The following PTPN13 variants were observed in gnomAD, a reference collection of about 807,000 sequenced individuals.
The protein encoded by PTPN13 is tyrosine-protein phosphatase non-receptor type 13.
In PTPN13, 191 loss-of-function variants were observed where a neutral mutation model predicts 284.0. The observed-to-expected ratio is 0.67, with a 90% CI of 0.60 to 0.76. PTPN13 has a LOEUF of 0.76. Among genes scored for constraint, PTPN13 ranks in the 30% least tolerant of loss-of-function variants. The probability of loss-of-function intolerance (pLI) is 0.00; values close to 1 mark genes in which losing one functional copy is unlikely to be tolerated. For synonymous variants in PTPN13, 986 were observed against 1,022.3 expected (o/e 0.96, Z 0.68); for missense variants, 2,797 against 2,939.9 (o/e 0.95, Z 1.12).
Position 86,774,722 on chromosome 4 carries a change from T to TA in PTPN13, c.5508+191_5508+192insA, listed in dbSNP as rs58688674. 2.7e-4 allele frequency among the ~76,000 whole-genome samples: 41 copies of TA among 149,616 alleles called. No individual in the cohort carries two copies. In the East Asian group the frequency reaches 6.1e-3, roughly 22 times the overall value. ...TATTTTATATATATATATATATATA[T>TA]TTTTTACTATACTTTAAGTTCTAGG... On this transcript the variant is annotated intron_variant, in intron 33 of 47. Coordinates refer to ENST00000411767, the MANE Select transcript of PTPN13 (RefSeq NM_080683.3).
Position 86,701,482 on chromosome 4 carries a change from G to A in PTPN13, c.876G>A (p.Val292=), listed in dbSNP as rs757988747. The A allele has an allele frequency of 6.2e-7, 1 of 1,613,928 alleles. No individual in the cohort carries two copies. Among genetic ancestry groups the A allele is most frequent in the Non-Finnish European group, 8.5e-7 (1 of 1,179,862 alleles). The change falls in exon 7 of 48, where the codon GTG becomes GTA. Residue 292 remains valine, a synonymous_variant. Coordinates refer to ENST00000411767, the MANE Select transcript of PTPN13 (RefSeq NM_080683.3). ...PEKKPIPGID[V]LSKKKIWASS... Reference sequence around the variant, plus strand: ...AAAAACCCATCCCTGGCATTGATGTGCTTTCTAAGAAGAAGATCTGGGCTT... The same window carrying A: ...AAAAACCCATCCCTGGCATTGATGTACTTTCTAAGAAGAAGATCTGGGCTT...
In PTPN13 at chr4:86,689,180, A is replaced by G. The variant is rs754024540; in HGVS notation, c.536A>G (p.Asn179Ser). 1 of 1,612,180 alleles carries G rather than the reference A, an allele frequency of 6.2e-7. No individual in the cohort carries two copies. The highest frequency in any genetic ancestry group is 1.1e-5 in the South Asian group (1 of 90,990). ...VKHLVKLVLG[N>S]LSGTDQLSCN... ...CACTTGGTAAAACTGGTTCTGGGAA[A>G]TCTTTCTGGGGTAAGCTACAGTTAC... Residue 179 changes from asparagine (N) to serine (S), a missense_variant, in exon 5 of 48, where the codon AAT (asparagine) becomes AGT (serine). Physicochemically the swap from Asn to Ser is conservative, Grantham distance 46 (BLOSUM62 1). Transcript: ENST00000411767.
chr4:86,720,991 T>A (rs1733591685), intron 9 of PTPN13, among the ~76,000 whole-genome samples: 1 of 152,052 alleles, frequency 6.6e-6, no homozygotes, highest in Non-Finnish European at 1.5e-5. Flanking sequence ...TTGAAGTAAG[T>A]TTATACGTAG....
chr4:86,637,188 T>C (rs1227720432), intron 2 of PTPN13, among the ~76,000 whole-genome samples: 1 of 152,034 alleles, frequency 6.6e-6, no homozygotes, highest in African/African-American at 2.4e-5. Context: ...CAATAATCAG[T>C]AGCTTACCAA....
intron 43 of PTPN13, among the ~76,000 whole-genome samples, chr4:86,804,979 T>C (rs1052289115): frequency 5.3e-5 from 8 of 152,246 alleles, no homozygotes; most frequent in Non-Finnish European, 1.2e-4. Flanking sequence ...GAGTTGGGTT[T>C]TTTTAATTGT....
chr4:86,803,542 G>C (rs936431161), intron 42 of PTPN13, among the ~76,000 whole-genome samples, 167 bp from the exon 43 acceptor site: 7 of 152,190 alleles, frequency 4.6e-5, no homozygotes, highest in African/African-American at 1.4e-4. Flanking sequence ...GCAGTGAGCT[G>C]TGATTACAGA....
At chr4:86,739,379 G>A (rs1184469029) in intron 15 of PTPN13, among the ~76,000 whole-genome samples, 1 of 152,096 alleles carries the variant, frequency 6.6e-6, no homozygotes, top group Non-Finnish European at 1.5e-5. Flanking sequence ...CCATGTGGCT[G>A]GGGAGGCCTC....
chr4:86,662,236 T>C (rs1195065269), intron 2 of PTPN13, among the ~76,000 whole-genome samples: 5 of 152,242 alleles, frequency 3.3e-5, no homozygotes, highest in African/African-American at 9.6e-5. Context: ...AGATCAAGTT[T>C]TTAAATAGAA....
At chr4:86,624,899 A>G (rs966689992) in intron 1 of PTPN13, among the ~76,000 whole-genome samples, 2 of 152,116 alleles carry the variant, frequency 1.3e-5, no homozygotes, top group African/African-American at 4.8e-5. Context: ...CTACCTGGGG[A>G]GCTACAGATT....
chr4:86,716,505 A>G (rs181468750), intron 7 of PTPN13, 25 bp from the exon 8 acceptor site: 16,700 of 1,400,244 alleles, frequency 0.012, 144 homozygotes, highest in Non-Finnish European at 0.015. Flanking sequence ...TTTGCTTTCT[A>G]ATCTTTTTGT....
At chr4:86,674,865 G>A (rs1728107233) in intron 3 of PTPN13, among the ~76,000 whole-genome samples, 1 of 152,118 alleles carries the variant, frequency 6.6e-6, no homozygotes, top group African/African-American at 2.4e-5. Context: ...ATTTAAACAG[G>A]ATGCAGTCAT....
intron 2 of PTPN13, among the ~76,000 whole-genome samples, chr4:86,647,485 A>C (rs1053207799): frequency 1.3e-5 from 2 of 151,644 alleles, no homozygotes; most frequent in African/African-American, 4.8e-5. Context: ...AAGTATATTT[A>C]AATTAGTTTA....
rs761663374 is a variant in PTPN13 at position 86,745,049 on chromosome 4, G to C, written c.2571G>C (p.Leu857=). The C allele has an allele frequency of 1.4e-5, 23 of 1,610,884 alleles. No homozygotes were observed. In the South Asian group the frequency reaches 2.4e-4, roughly 17 times the overall value. Residue 857 remains leucine (L), a synonymous_variant, in exon 17 of 48, where the codon CTG becomes CTC. Transcript: ENST00000411767. ...ACAACAGTAAGATATGCCAGTACCT[G>C]CTGCACCTCTGCTCTTACCAGCATA... ...QTDNSKICQY[L]LHLCSYQHKF...
chr4:86,701,857 GAAA>G (rs1446252085), intron 7 of PTPN13, 56 bp downstream of exon 7: 7 of 1,455,168 alleles, frequency 4.8e-6, no homozygotes, highest in Non-Finnish European at 3.7e-6. Flanking sequence ...ATATTTTTTT[GAAA>G]TAAAGAAGGG....
intron 40 of PTPN13, among the ~76,000 whole-genome samples, chr4:86,792,224 A>G (rs565938222): frequency 6.6e-6 from 1 of 152,334 alleles, no homozygotes; most frequent in South Asian, 2.1e-4. Flanking sequence ...ACAAGCTTCA[A>G]TCGCCGATTC....
At chr4:86,613,644 A>AC (rs1720196462) in intron 1 of PTPN13, among the ~76,000 whole-genome samples, 1 of 151,980 alleles carries the variant, frequency 6.6e-6, no homozygotes, top group Non-Finnish European at 1.5e-5. Context: ...AAAAAAAAAA[A>AC]AAAAAAAGAG....
intron 5 of PTPN13, among the ~76,000 whole-genome samples, chr4:86,692,250 G>A (rs908823843): frequency 2.0e-5 from 3 of 152,186 alleles, no homozygotes; most frequent in Non-Finnish European, 4.4e-5. Flanking sequence ...TGGGATGTTA[G>A]TAATACTGTC....
chr4:86,797,753 A>C (rs1420908610), intron 41 of PTPN13, among the ~76,000 whole-genome samples: 15 of 151,970 alleles, frequency 9.9e-5, no homozygotes, highest in Non-Finnish European at 2.2e-4. Context: ...TTTTAATGAG[A>C]AAATGAAACC....
rs373179030 is a variant in PTPN13 at position 86,814,522 on chromosome 4, C to T, written c.7429C>T (p.Gln2477Ter). The change falls in exon 48 of 48, where the codon CAA (glutamine) becomes TAA (stop). Residue 2477 changes from glutamine to a stop codon, truncating the protein, a stop_gained. Coordinates refer to ENST00000411767, the MANE Select transcript of PTPN13 (RefSeq NM_080683.3). LOFTEE classifies it high-confidence loss of function. ...GACACGTCTTCAAGCAGAAGAAGAGCAAAAACAGCAGCCTCAGCTTCTGAA... is the reference window on the plus strand; with the variant it reads ...GACACGTCTTCAAGCAGAAGAAGAGTAAAAACAGCAGCCTCAGCTTCTGAA... The part of the protein sequence containing the change: ...VLTRLQAEEE[Q>*]KQQPQLLK 165 of 1,612,108 alleles carry T rather than the reference C, an allele frequency of 1.0e-4. No individual in the cohort carries two copies. The highest frequency in any genetic ancestry group is 4.1e-5 in the Non-Finnish European group (48 of 1,178,922).
Sources: allele counts gnomAD v4.1 joint callset (sites outside exome capture counted in the v4.1 genomes callset), GRCh38; gene constraint gnomAD v4.1.1; transcripts MANE v1.5; gene names NCBI Gene and HGNC (gene_info 2026-07-23, HGNC 2026-07-21).